Variants in KCTD1 observed in about 807,000 individuals in gnomAD.
KCTD1 encodes potassium channel tetramerization domain containing 1.
KCTD1 carries 24 observed loss-of-function variants against 66.0 expected under a neutral mutation model. That is an observed-to-expected ratio of 0.36 (90% CI 0.26 to 0.51). The LOEUF (loss-of-function observed/expected upper bound fraction) is 0.51. Among genes scored for constraint, KCTD1 ranks in the 20% least tolerant of loss-of-function variants. The pLI, the probability that KCTD1 is intolerant of heterozygous loss-of-function variation, is 0.95. For missense variants in KCTD1, 943 were observed against 1,205.2 expected (o/e 0.78, Z 3.22); for synonymous variants, 511 against 517.2 (o/e 0.99, Z 0.16).
chr18:26,637,822 C>T (rs942241446), intron 1 of KCTD1, among the ~76,000 whole-genome samples: 1 of 152,168 alleles, frequency 6.6e-6, no homozygotes, highest in African/African-American at 2.4e-5. Context: ...AAGTTATGTG[C>T]CTCAGTTTTC....
chr18:26,457,350 A>G (rs1322433948), intron 4 of KCTD1: 1 of 152,166 alleles, frequency 6.6e-6, no homozygotes, highest in African/African-American at 2.4e-5. Flanking sequence ...AGCTCCCTCC[A>G]TGGATTCCCC....
At chr18:26,598,909 A>T (rs2083203) in intron 1 of KCTD1, among the ~76,000 whole-genome samples, 19,009 of 152,196 alleles carry the variant, frequency 0.12, 1,297 homozygotes, top group Admixed American at 0.16. Context: ...TTATCAGATT[A>T]TGATTTATAA....
chr18:26,485,757 G>T (rs1981884520), intron 2 of KCTD1, among the ~76,000 whole-genome samples: 1 of 151,782 alleles, frequency 6.6e-6, no homozygotes, highest in Non-Finnish European at 1.5e-5. Context: ...TCTCAACACT[G>T]TTCTATATTT....
In KCTD1 at chr18:26,546,935, G is replaced by A. The variant is rs1164460329; in HGVS notation, c.1602C>T (p.Arg534=). ...ACCCGAACACAGACTCGTACAGGGCGCGCTTGGGCGCAGCCTCGGATTTCA... is the reference window on the plus strand; with the variant it reads ...ACCCGAACACAGACTCGTACAGGGCACGCTTGGGCGCAGCCTCGGATTTCA... The part of the protein sequence containing the change: ...PDVKSEAAPK[R]ALYESVFGSG... Residue 534 remains arginine (R), a synonymous_variant, in exon 1 of 5, where the codon CGC becomes CGT. Transcript: ENST00000580059. The A allele has an allele frequency of 6.1e-6, 9 of 1,475,812 alleles. No homozygotes were observed. The highest frequency in any genetic ancestry group is 6.3e-6 in the Non-Finnish European group (7 of 1,110,250). 91.4% of individuals were successfully genotyped at this position (1,475,812 alleles called of 1,614,324 possible). A position where few individuals can be genotyped will look rare whatever the true frequency, so the allele number is the denominator to read the frequency against.
At chr18:26,498,081 A>T (rs907133502) in intron 2 of KCTD1, among the ~76,000 whole-genome samples, 3 of 152,226 alleles carry the variant, frequency 2.0e-5, no homozygotes, top group Non-Finnish European at 2.9e-5. Flanking sequence ...TAATACCCCC[A>T]GTAACCTTGC....
intron 1 of KCTD1, among the ~76,000 whole-genome samples, chr18:26,620,707 A>AC (rs1987361548): frequency 6.6e-6 from 1 of 152,078 alleles, no homozygotes; most frequent in Non-Finnish European, 1.5e-5. Flanking sequence ...AAGTGCTGGG[A>AC]TTACAGGTGT....
chr18:26,619,169 G>A (rs1987319360), intron 1 of KCTD1, among the ~76,000 whole-genome samples: 2 of 152,150 alleles, frequency 1.3e-5, no homozygotes, highest in Admixed American at 6.5e-5. Context: ...AGTGTGTCTT[G>A]CTTAGCTAAG....
chr18:26,495,015 G>T (rs1982395505), intron 2 of KCTD1, among the ~76,000 whole-genome samples: 2 of 152,168 alleles, frequency 1.3e-5, no homozygotes, highest in Non-Finnish European at 2.9e-5. Context: ...TATAAAGCAT[G>T]TGGATGTAGA....
chr18:26,459,877 T>A lies in KCTD1; in HGVS notation c.2182A>T (p.Met728Leu), dbSNP rs1448256365. 1.2e-6 allele frequency: 2 copies of A among 1,610,026 alleles called. No individual in the cohort carries two copies. The highest frequency in any genetic ancestry group is 1.7e-6 in the Non-Finnish European group (2 of 1,177,690). The part of the protein sequence containing the change: ...EEAKYFQLQP[M>L]LLEMERWKQD... Reference sequence around the variant, plus strand: ...TTCCATCTTTCCATCTCCAACAACATGGGCTGAAGCTGAAAATATTTTGCC... The same window carrying A: ...TTCCATCTTTCCATCTCCAACAACAAGGGCTGAAGCTGAAAATATTTTGCC... Residue 728 changes from methionine (M) to leucine (L), a missense_variant, in exon 4 of 5, where the codon ATG becomes TTG. Physicochemically the swap from Met to Leu is conservative, Grantham distance 15. Coordinates refer to ENST00000580059, the MANE Select transcript of KCTD1 (RefSeq NM_001142730.3).
intron 1 of KCTD1, among the ~76,000 whole-genome samples, chr18:26,612,973 T>C (rs888967525): frequency 6.6e-6 from 1 of 152,186 alleles, no homozygotes; most frequent in Non-Finnish European, 1.5e-5. Context: ...ACTCATTTGA[T>C]TTTTAATTGT....
chr18:26,602,762 T>C (rs911791764), intron 1 of KCTD1, among the ~76,000 whole-genome samples: 1 of 152,194 alleles, frequency 6.6e-6, no homozygotes, highest in African/African-American at 2.4e-5. Context: ...TAAACTTAAG[T>C]TCTCCTTCCA....
At chr18:26,524,747 G>T (rs1186874474) in intron 1 of KCTD1, among the ~76,000 whole-genome samples, 3 of 152,104 alleles carry the variant, frequency 2.0e-5, no homozygotes, top group Non-Finnish European at 4.4e-5. Context: ...GAGGAAAATG[G>T]GGGATTGGCA....
In KCTD1 at chr18:26,520,379, T is replaced by C. The variant is rs139264218; in HGVS notation, c.1810-19129A>G. The stretch of plus-strand genomic sequence containing the variant: ...AGACGATAGCCCCCTAAATTATTGA[T>C]GACTAACAGTATTTGTCAAGACTCT... On this transcript the variant is annotated intron_variant, in intron 1 of 4. Coordinates refer to ENST00000580059, the MANE Select transcript of KCTD1 (RefSeq NM_001142730.3). Among the ~76,000 whole-genome samples the C allele has an allele frequency of 8.0e-4, 122 of 152,370 alleles. 1 individual carries two copies. The highest frequency in any genetic ancestry group is 2.8e-3 in the African/African-American group (116 of 41,594).
At chr18:26,599,187 A>G (rs1002650647) in intron 1 of KCTD1, among the ~76,000 whole-genome samples, 2 of 152,248 alleles carry the variant, frequency 1.3e-5, no homozygotes, top group Admixed American at 6.5e-5. Flanking sequence ...GGTATAATGT[A>G]TGATGACTTT....
At chr18:26,624,167 T>C (rs770266797) in intron 1 of KCTD1, among the ~76,000 whole-genome samples, 1 of 152,140 alleles carries the variant, frequency 6.6e-6, no homozygotes, top group Non-Finnish European at 1.5e-5. Context: ...AAGCACAGCA[T>C]AAAAGTTTGG....
intron 2 of KCTD1, among the ~76,000 whole-genome samples, chr18:26,478,326 A>T (rs1380495734): frequency 1.3e-5 from 2 of 152,228 alleles, no homozygotes; most frequent in Non-Finnish European, 2.9e-5. Context: ...CTAGTTAAGC[A>T]GCATTGGGGT....
rs36119174 is a variant in KCTD1, at chr18:26,535,971, CAA to C, written c.1809+10755_1809+10756del. ...CCCCCACAAGACTGAGTGATTCCTC[CAA>C]AAAAAAAAAAAAAAGAAGATTTTTT... On this transcript the variant is annotated intron_variant, in intron 1 of 4. Coordinates refer to ENST00000580059, the MANE Select transcript of KCTD1 (RefSeq NM_001142730.3). Among the ~76,000 whole-genome samples, 557 of 122,768 alleles carry C rather than the reference CAA, an allele frequency of 4.5e-3. 3 individuals are homozygous for C. The highest frequency in any genetic ancestry group is 8.4e-3 in the Admixed American group (94 of 11,208). 80.5% of individuals were successfully genotyped at this position (122,768 alleles called of 152,430 possible). A position where few individuals can be genotyped will look rare whatever the true frequency, so the allele number is the denominator to read the frequency against.
chr18:26,656,958 C>G (rs1214643134), intron 1 of KCTD1, among the ~76,000 whole-genome samples: 3 of 149,324 alleles, frequency 2.0e-5, no homozygotes, highest in African/African-American at 7.3e-5. Context: ...GGCTGGCGCG[C>G]GGAGCGGCGG....
At chr18:26,570,455 C>T (rs1986082098) in intron 1 of KCTD1, among the ~76,000 whole-genome samples, 1 of 152,082 alleles carries the variant, frequency 6.6e-6, no homozygotes. Context: ...GTTGCCCAGG[C>T]TGGAATTCAG....
Sources: gnomAD v4.1 joint callset for allele counts (sites outside exome capture counted in the v4.1 genomes callset) on GRCh38, gnomAD v4.1.1 for gene constraint, MANE v1.5 for transcripts, NCBI Gene and HGNC (gene_info 2026-07-23, HGNC 2026-07-21) for gene names.